BBX: variants seen among roughly 807,000 people sequenced by gnomAD.
BBX encodes the protein BBX high mobility group box domain containing, also known as HMG box transcription factor BBX.
Under a neutral mutation model 100.2 loss-of-function variants are expected in BBX, and 30 were observed. The observed-to-expected ratio is 0.30, with a 90% CI of 0.22 to 0.41. The LOEUF is 0.41. Among genes scored for constraint, BBX ranks in the 10% least tolerant of loss-of-function variants. The pLI, the probability that BBX is intolerant of heterozygous loss-of-function variation, is 1.00. For synonymous variants in BBX, 376 were observed against 388.1 expected (o/e 0.97, Z 0.37); for missense variants, 1,023 against 1,129.8 (o/e 0.91, Z 1.35).
intron 3 of BBX, among the ~76,000 whole-genome samples, chr3:107,647,055 T>A (rs931416112): frequency 2.0e-5 from 3 of 152,154 alleles, no homozygotes; most frequent in Admixed American, 6.5e-5. Context: ...ATTATTGTTT[T>A]TCTTCTTCAC....
chr3:107,705,124 A>T (rs9883282), intron 3 of BBX, among the ~76,000 whole-genome samples: 30,794 of 152,066 alleles, frequency 0.2, 3,953 homozygotes, highest in Middle Eastern at 0.29. Context: ...TAGAGTTTCC[A>T]CTATGTTACA....
At chr3:107,592,198 G>A (rs2053370814) in intron 2 of BBX, among the ~76,000 whole-genome samples, 1 of 151,322 alleles carries the variant, frequency 6.6e-6, no homozygotes, top group South Asian at 2.1e-4. Flanking sequence ...TAATGTTTTG[G>A]GTTAAAAATG....
intron 16 of BBX, among the ~76,000 whole-genome samples, chr3:107,798,946 C>T (rs556772550): frequency 1.6e-4 from 24 of 151,412 alleles, no homozygotes; most frequent in Admixed American, 2.6e-4. Flanking sequence ...GTCAGGAGAT[C>T]GAGACCATCC....
chr3:107,650,140 A>C (rs1325459071), intron 3 of BBX, among the ~76,000 whole-genome samples: 1 of 152,128 alleles, frequency 6.6e-6, no homozygotes, highest in Non-Finnish European at 1.5e-5. Flanking sequence ...GACTCCTTAA[A>C]GCAGGGGTCC....
chr3:107,634,060 T>A (rs761013688), intron 2 of BBX, among the ~76,000 whole-genome samples: 111 of 152,346 alleles, frequency 7.3e-4, no homozygotes, highest in Non-Finnish European at 1.2e-3. Context: ...TCAGTTAAGG[T>A]AGGCATCCCC....
chr3:107,682,068 G>T (rs1332616808), intron 3 of BBX, among the ~76,000 whole-genome samples: 1 of 152,068 alleles, frequency 6.6e-6, no homozygotes, highest in Non-Finnish European at 1.5e-5. Context: ...TAAAAATCAG[G>T]TGTTGTAAAA....
rs957185714 is a variant in BBX at position 107,773,265 on chromosome 3, C to T, written c.1544C>T (p.Ser515Leu). The T allele has an allele frequency of 6.2e-7, 1 of 1,613,998 alleles. No individual in the cohort carries two copies. Among genetic ancestry groups the T allele is most frequent in the Non-Finnish European group, 8.5e-7 (1 of 1,179,986 alleles). Residue 515 changes from serine (S) to leucine (L), a missense_variant, in exon 11 of 18, where the codon TCA becomes TTA. Coordinates refer to ENST00000325805, the MANE Select transcript of BBX (RefSeq NM_001142568.3). The surrounding 1 kb of genome is among the most constrained non-coding windows in gnomAD (Gnocchi z 4.1). ...CCTCGCAAGAAGGTCCGCACATCCT[C>T]AAGTGGCAAGGGAAGCATTTTGGAT... ...DTPRKKVRTS[S>L]SGKGSILDAK...
intron 5 of BBX, among the ~76,000 whole-genome samples, chr3:107,719,069 C>G (rs1264714388): frequency 6.6e-6 from 1 of 152,026 alleles, no homozygotes; most frequent in Admixed American, 6.6e-5. Flanking sequence ...AATGTTAGTT[C>G]AGTGAACAAA....
intron 13 of BBX, among the ~76,000 whole-genome samples, chr3:107,784,464 A>T (rs919098128): frequency 6.6e-6 from 1 of 152,000 alleles, no homozygotes. Flanking sequence ...GTGTTCTCTG[A>T]CCATAGTACA....
At chr3:107,697,026 C>T (rs1163103063) in intron 3 of BBX, among the ~76,000 whole-genome samples, 1 of 151,820 alleles carries the variant, frequency 6.6e-6, no homozygotes, top group African/African-American at 2.4e-5. Flanking sequence ...ACGTAGTTCT[C>T]GAGCCTTGGT....
At chr3:107,644,470 CT>C (rs2057405060) in intron 2 of BBX, among the ~76,000 whole-genome samples, 1 of 152,086 alleles carries the variant, frequency 6.6e-6, no homozygotes, top group Admixed American at 6.6e-5. Context: ...CTTCTGTATA[CT>C]TTCATAGATG....
Position 107,676,601 on chromosome 3 carries a change from T to C in BBX, c.-10+30692T>C, listed in dbSNP as rs556434250. On this transcript the variant is annotated intron_variant, in intron 3 of 17. Coordinates refer to ENST00000325805, the MANE Select transcript of BBX (RefSeq NM_001142568.3). ...TCATCTGAAGTGAATGATAAAAGCA[T>C]GTTAAATTGAATCTCCTTTCTAACT... 2.0e-5 allele frequency among the ~76,000 whole-genome samples: 3 copies of C among 152,314 alleles called. No homozygotes were observed. The East Asian group carries it at 5.8e-4, about 29-fold the overall frequency.
intron 16 of BBX, among the ~76,000 whole-genome samples, chr3:107,799,123 C>G (rs1389392778): frequency 6.6e-6 from 1 of 151,416 alleles, no homozygotes; most frequent in East Asian, 1.9e-4. Flanking sequence ...GCACTCCAGC[C>G]TGGGCGACAG....
At chr3:107,533,210 G>A (rs1194543709) in intron 2 of BBX, among the ~76,000 whole-genome samples, 1 of 152,084 alleles carries the variant, frequency 6.6e-6, no homozygotes, top group Non-Finnish European at 1.5e-5. Context: ...ACAAAAATCT[G>A]AATCCTGAAG....
chr3:107,578,697 G>A (rs2052021472), intron 2 of BBX, among the ~76,000 whole-genome samples: 1 of 152,132 alleles, frequency 6.6e-6, no homozygotes, highest in African/African-American at 2.4e-5. Flanking sequence ...GCAGGAAGGA[G>A]AAGCACAGCA....
intron 2 of BBX, among the ~76,000 whole-genome samples, chr3:107,596,640 A>T (rs1354411068): frequency 6.6e-6 from 1 of 152,170 alleles, no homozygotes; most frequent in Non-Finnish European, 1.5e-5. Context: ...ATTATGTTTG[A>T]GTGCTCAGTG....
chr3:107,582,013 A>G (rs2052312901), intron 2 of BBX, among the ~76,000 whole-genome samples: 1 of 152,042 alleles, frequency 6.6e-6, no homozygotes, highest in Non-Finnish European at 1.5e-5. Flanking sequence ...TTTTTTAGAA[A>G]GATTCTTTAA....
intron 1 of BBX, 114 bp downstream of exon 1, chr3:107,523,221 G>A (rs751886004): frequency 1.3e-4 from 20 of 157,472 alleles, no homozygotes; most frequent in South Asian, 2.4e-4. Flanking sequence ...CAGGAGCAGC[G>A]GCGGCGGCGG....
intron 2 of BBX, among the ~76,000 whole-genome samples, chr3:107,529,397 T>C (rs1392925052): frequency 1.3e-5 from 2 of 152,230 alleles, no homozygotes; most frequent in Non-Finnish European, 2.9e-5. Flanking sequence ...CACTATGAAA[T>C]GAAAACAAAC....
Sources: gnomAD v4.1 joint callset for allele counts (sites outside exome capture counted in the v4.1 genomes callset) on GRCh38, gnomAD v4.1.1 for gene constraint, Gnocchi (gnomAD v3.1) non-coding constraint, MANE v1.5 for transcripts, NCBI Gene and HGNC (gene_info 2026-07-23, HGNC 2026-07-21) for gene names.